YJU2: variants seen among roughly 807,000 people sequenced by gnomAD.
YJU2 encodes splicing factor YJU2.
A neutral mutation model predicts 39.6 loss-of-function variants in YJU2; 28 were observed. The observed-to-expected ratio is 0.71, with a 90% confidence interval of 0.52 to 0.97. The LOEUF is 0.97. Among genes scored for constraint, YJU2 ranks in the 50% least tolerant of loss-of-function variants. YJU2 has a pLI of 0.00. For missense variants in YJU2, 328 were observed against 430.4 expected (o/e 0.76, Z 2.11); for synonymous variants, 184 against 182.4 (o/e 1.01, Z -0.07).
chr19:4,261,482 A>G (rs1313494542), intron 5 of YJU2, among the ~76,000 whole-genome samples: 5 of 149,148 alleles, frequency 3.4e-5, no homozygotes, highest in Non-Finnish European at 5.9e-5. Flanking sequence ...CAAAGACTCC[A>G]TCTCAAAAAA....
intron 3 of YJU2, 55 bp downstream of exon 3, chr19:4,251,226 G>C: frequency 6.4e-7 from 1 of 1,572,540 alleles, no homozygotes; most frequent in African/African-American, 1.4e-5. Context: ...CCTCAGATCA[G>C]GGCGGGCCCT....
At chr19:4,264,494 T>TG (rs913193631) in intron 6 of YJU2, among the ~76,000 whole-genome samples, 3 of 132,360 alleles carry the variant, frequency 2.3e-5, no homozygotes, top group African/African-American at 8.8e-5. Flanking sequence ...TCTTTCTTTC[T>TG]TTTTTTTTTT....
chr19:4,251,308 GT>G (rs1316579627), intron 3 of YJU2, 137 bp downstream of exon 3: 5 of 862,818 alleles, frequency 5.8e-6, no homozygotes, highest in East Asian at 5.3e-5. Flanking sequence ...ACAGACAACA[GT>G]TTGGGGGAGA....
At chr19:4,260,460 C>T (rs780898605) in intron 5 of YJU2, among the ~76,000 whole-genome samples, 11 of 150,540 alleles carry the variant, frequency 7.3e-5, no homozygotes, top group East Asian at 4.0e-4. Flanking sequence ...AGACTAGGTG[C>T]GGTCGGTGGC....
rs777106266 is a variant in YJU2, at chr19:4,268,566, C to T, written c.860-18C>T. 1 of 1,575,770 alleles carries T rather than the reference C, an allele frequency of 6.3e-7. No homozygotes were observed. Among genetic ancestry groups the T allele is most frequent in the Non-Finnish European group, 8.7e-7 (1 of 1,151,226 alleles). On this transcript the variant is annotated intron_variant, in intron 7 of 7. Transcript: ENST00000262962. The stretch of plus-strand genomic sequence containing the variant: ...CTGCTGTGGAGCTGAGATGAGCTAA[C>T]TCTCGCTCTCCCACCAGGAGCCCCG...
chr19:4,266,638 T>C lies in YJU2; in HGVS notation c.709-986T>C, dbSNP rs139619204. Among the ~76,000 whole-genome samples the C allele has an allele frequency of 3.9e-3, 595 of 152,206 alleles. 1 individual carries two copies. Among genetic ancestry groups the C allele is most frequent in the African/African-American group, 0.014 (570 of 41,538 alleles). ...GAGCTCCGTGAGGGCAGAGCACCCA[T>C]TGGGACTTCCTTAACCCAGTGGTTA... On this transcript the variant is annotated intron_variant, in intron 6 of 7. Transcript: ENST00000262962.
intron 6 of YJU2, among the ~76,000 whole-genome samples, chr19:4,264,307 C>T (rs1446113551): frequency 2.0e-5 from 3 of 147,102 alleles, no homozygotes; most frequent in Admixed American, 1.4e-4. Context: ...TTCTTTCTTC[C>T]TTTTTTGTTT....
chr19:4,263,950 A>G (rs1971093401), intron 6 of YJU2, among the ~76,000 whole-genome samples: 1 of 151,840 alleles, frequency 6.6e-6, no homozygotes, highest in African/African-American at 2.4e-5. Context: ...TCATAAACCA[A>G]TAACACAGAC....
chr19:4,267,858 C>T (rs947065086), intron 7 of YJU2, 84 bp downstream of exon 7: 2 of 1,339,584 alleles, frequency 1.5e-6, no homozygotes, highest in Admixed American at 4.6e-5. Context: ...GTTACAGAGA[C>T]TTCATGGGGT....
chr19:4,258,546 C>T (rs1209470336), intron 5 of YJU2, 123 bp downstream of exon 5: 8 of 1,388,030 alleles, frequency 5.8e-6, no homozygotes, highest in South Asian at 3.0e-5. Context: ...CCTTTCCCAC[C>T]GCCCATCTCA....
At chr19:4,260,016 C>A (rs956329483) in intron 5 of YJU2, among the ~76,000 whole-genome samples, 1 of 152,098 alleles carries the variant, frequency 6.6e-6, no homozygotes. Context: ...CCAGGGAGGT[C>A]CAGGCATGAG....
At chr19:4,247,263 C>A (rs1970926202) in intron 1 of YJU2, 93 bp downstream of exon 1, 2 of 1,157,248 alleles carry the variant, frequency 1.7e-6, no homozygotes, top group East Asian at 2.4e-5. Flanking sequence ...TTCTTTGGAA[C>A]CCTTCTTTCC....
intron 7 of YJU2, 30 bp from the exon 8 acceptor site, chr19:4,268,554 G>A (rs774936511): frequency 4.0e-6 from 6 of 1,515,458 alleles, no homozygotes; most frequent in South Asian, 2.3e-5. Flanking sequence ...CTGTGGAGCT[G>A]AGATGAGCTA....
chr19:4,268,701 TC>T lies in YJU2; in HGVS notation c.*8del. The T allele has an allele frequency of 6.2e-7, 1 of 1,603,946 alleles. No homozygotes were observed. The highest frequency in any genetic ancestry group is 1.7e-5 in the Admixed American group (1 of 59,820). On this transcript the variant is annotated 3_prime_UTR_variant, in exon 8 of 8. Transcript: ENST00000262962. ...GACAGCAACGGCAGCAACTGAGCCC[TC>T]CCAGGACCCCCTCACGGGGTCAAAG...
rs1390575991 is a variant in YJU2 at position 4,264,090 on chromosome 19, A to G, written c.708+1976A>G. Among the ~76,000 whole-genome samples, 8 of 151,418 alleles carry G rather than the reference A, an allele frequency of 5.3e-5. No homozygotes were observed. In the South Asian group the frequency reaches 8.4e-4, roughly 16 times the overall value. ...ATCCTATCTAACACGGTGAAACCCC[A>G]TCTCTGCTAAAAATACAAAAAATTA... On this transcript the variant is annotated intron_variant, in intron 6 of 7. Coordinates refer to ENST00000262962, the MANE Select transcript of YJU2 (RefSeq NM_018074.6).
At chr19:4,266,625 G>T (rs1971117365) in intron 6 of YJU2, among the ~76,000 whole-genome samples, 1 of 152,080 alleles carries the variant, frequency 6.6e-6, no homozygotes, top group Admixed American at 6.6e-5. Context: ...GCTCCGTGAG[G>T]GCAGAGCACC....
At chr19:4,268,532 C>A in intron 7 of YJU2, 52 bp from the exon 8 acceptor site, 2 of 1,360,736 alleles carry the variant, frequency 1.5e-6, no homozygotes, top group African/African-American at 1.4e-5. Context: ...TGCCTTGTCC[C>A]TGGCCTGTCT....
chr19:4,251,096 C>T lies in YJU2; in HGVS notation c.195C>T (p.Asn65=), dbSNP rs576035785. The T allele has an allele frequency of 1.4e-5, 22 of 1,614,146 alleles. No homozygotes were observed. Among genetic ancestry groups the T allele is most frequent in the South Asian group, 4.4e-5 (4 of 91,076 alleles). The part of the protein sequence containing the change: ...KFNARKETVQ[N]EVYLGLPIFR... ...ATGCTCGGAAGGAGACGGTGCAGAA[C>T]GAGGTCTACCTGGGCCTGCCCATCT... The change falls in exon 3 of 8, where the codon AAC becomes AAT. Residue 65 remains asparagine, a synonymous_variant. Coordinates refer to ENST00000262962, the MANE Select transcript of YJU2 (RefSeq NM_018074.6).
chr19:4,247,651 GTGTGTGTGTGTGT>G lies in YJU2; in HGVS notation c.24+482_24+494del, dbSNP rs1970940309. Among the ~76,000 whole-genome samples, 102 of 70,096 alleles carry G rather than the reference GTGTGTGTGTGTGT, an allele frequency of 1.5e-3. 5 individuals carry two copies. The highest frequency in any genetic ancestry group is 7.7e-3 in the Middle Eastern group (1 of 130). The allele number at this position is 70,096 out of a possible 152,430, so 46.0% of individuals were successfully genotyped here. ...TGTGTGTGTGTGTGTGTGTGTGTGT[GTGTGTGTGTGTGT>G]GTGTGTGTGTGTGTGTGTGTGTGTG... is the stretch of plus-strand genomic sequence containing the variant. On this transcript the variant is annotated intron_variant, in intron 1 of 7. Transcript: ENST00000262962.
Sources: allele counts gnomAD v4.1 joint callset (sites outside exome capture counted in the v4.1 genomes callset), GRCh38; gene constraint gnomAD v4.1.1; transcripts MANE v1.5; gene names NCBI Gene and HGNC (gene_info 2026-07-23, HGNC 2026-07-21).